The following TG variants were observed in gnomAD, a reference collection of about 807,000 sequenced individuals.
TG encodes thyroid hormones.
Under a neutral mutation model 324.7 loss-of-function variants are expected in TG, and 270 were observed. The observed-to-expected ratio is 0.83, with a 90% CI of 0.75 to 0.92. The LOEUF is 0.92. TG is among the 40% of genes least tolerant of loss of function. The probability of loss-of-function intolerance (pLI) is 0.00; values close to 1 mark genes in which losing one functional copy is unlikely to be tolerated. For missense variants in TG, 3,591 were observed against 3,456.4 expected, an observed-to-expected ratio of 1.04 and a Z score of -0.98; for synonymous variants, 1,401 against 1,327.0, an observed-to-expected ratio of 1.06 and a Z score of -1.21.
At chr8:132,987,349 T>C (rs1302458743) in intron 35 of TG, among the ~76,000 whole-genome samples, 2 of 150,748 alleles carry the variant, frequency 1.3e-5, no homozygotes, top group Non-Finnish European at 3.0e-5. Context: ...CTGACATAGA[T>C]TGTGAGGATG....
chr8:133,099,303 C>G (rs141627569), intron 43 of TG, among the ~76,000 whole-genome samples: 1 of 152,324 alleles, frequency 6.6e-6, no homozygotes, highest in East Asian at 1.9e-4. Flanking sequence ...TTCATTCATT[C>G]CCTTGGGACA....
chr8:132,871,320 T>C, intron 3 of TG, 28 bp from the exon 4 acceptor site: 1 of 1,612,512 alleles, frequency 6.2e-7, no homozygotes. Flanking sequence ...CCTGCAGTTC[T>C]ATCTAACATT....
intron 30 of TG, among the ~76,000 whole-genome samples, chr8:132,967,091 CCCAT>C (rs1828684558): frequency 1.3e-5 from 2 of 148,682 alleles, no homozygotes; most frequent in Non-Finnish European, 3.0e-5. Flanking sequence ...ATCTTTGCAT[CCCAT>C]CCATCCATCC....
At chr8:132,903,179 T>C (rs951896079) in intron 16 of TG, among the ~76,000 whole-genome samples, 4 of 152,194 alleles carry the variant, frequency 2.6e-5, no homozygotes, top group Non-Finnish European at 4.4e-5. Flanking sequence ...AAGATAAATA[T>C]GTCCAAAGGA....
At chr8:132,989,300 G>A (rs1832009365) in intron 35 of TG, among the ~76,000 whole-genome samples, 1 of 152,208 alleles carries the variant, frequency 6.6e-6, no homozygotes, top group South Asian at 2.1e-4. Flanking sequence ...TATTTGGATT[G>A]AAAGCCAGGG....
At chr8:133,002,473 C>T (rs1053092387) in intron 35 of TG, 9 of 926,498 alleles carry the variant, frequency 9.7e-6, no homozygotes, top group Non-Finnish European at 1.2e-5. Flanking sequence ...ATAGCAAATA[C>T]ATTACACAAT....
rs761156549 is a variant in TG, at chr8:132,886,640, G to T, written c.1268G>T (p.Arg423Leu). 1 of 1,614,018 alleles carries T rather than the reference G, an allele frequency of 6.2e-7. No individual in the cohort carries two copies. The highest frequency in any genetic ancestry group is 8.5e-7 in the Non-Finnish European group (1 of 1,180,036). ...CTCTTTGTGGACTCTGGGCTTCTCC[G>T]CCCAATGGTGGAGGGACAGAGCCAA... ...KELFVDSGLLRPMVEGQSQQF... is the reference protein window; with the variant it reads ...KELFVDSGLLLPMVEGQSQQF... The change falls in exon 9 of 48, where the codon CGC becomes CTC. Residue 423 changes from arginine (R) to leucine (L), a missense_variant. By Grantham distance (102) the Arg-to-Leu change is moderately radical. Coordinates refer to ENST00000220616, the MANE Select transcript of TG (RefSeq NM_003235.5).
At chr8:133,103,770 T>C (rs1849545953) in intron 43 of TG, among the ~76,000 whole-genome samples, 2 of 152,308 alleles carry the variant, frequency 1.3e-5, no homozygotes, top group African/African-American at 4.8e-5. Context: ...CATTAACCCA[T>C]GCAGCATCTC....
At chr8:133,081,196 A>G (rs559467492) in intron 41 of TG, among the ~76,000 whole-genome samples, 28 of 152,372 alleles carry the variant, frequency 1.8e-4, no homozygotes, top group African/African-American at 6.5e-4. Context: ...TTTCCTTTCA[A>G]ATTGGAGCCT....
At chr8:133,000,178 C>A (rs967372873) in intron 35 of TG, among the ~76,000 whole-genome samples, 1 of 152,202 alleles carries the variant, frequency 6.6e-6, no homozygotes, top group African/African-American at 2.4e-5. Context: ...CTGTGCCAAG[C>A]AGTTTGCAGC....
intron 35 of TG, among the ~76,000 whole-genome samples, chr8:132,989,158 A>G (rs569089801): frequency 3.9e-5 from 6 of 152,298 alleles, no homozygotes; most frequent in African/African-American, 1.4e-4. Context: ...CACAGGAAAG[A>G]CCTGCCCCCA....
chr8:132,924,265 C>T (rs1563960939), intron 22 of TG, among the ~76,000 whole-genome samples: 1 of 152,138 alleles, frequency 6.6e-6, no homozygotes, highest in Non-Finnish European at 1.5e-5. Context: ...ACTGATCTGA[C>T]AGGAGGCGGA....
intron 27 of TG, 110 bp downstream of exon 27, chr8:132,949,053 T>TAA: frequency 2.3e-6 from 2 of 876,110 alleles, no homozygotes; most frequent in African/African-American, 2.1e-5. Flanking sequence ...CTTATACTTC[T>TAA]GAAAAAAAAA....
intron 22 of TG, among the ~76,000 whole-genome samples, chr8:132,926,652 A>T (rs751042783): frequency 7.2e-5 from 11 of 152,218 alleles, no homozygotes; most frequent in Admixed American, 2.6e-4. Context: ...TCCTGTGGTC[A>T]ATTTTACAAG....
chr8:132,988,666 T>C (rs181450008), intron 35 of TG: 23 of 972,314 alleles, frequency 2.4e-5, no homozygotes, highest in Non-Finnish European at 2.7e-5. Flanking sequence ...ATAGTAAATA[T>C]ATATTTTCTT....
At chr8:133,050,158 A>G in intron 41 of TG, 2 of 633,524 alleles carry the variant, frequency 3.2e-6, no homozygotes, top group Non-Finnish European at 5.7e-6. Context: ...TTTCTTTTTA[A>G]AGGATATGTG....
chr8:132,970,057 G>T (rs1052243939), intron 32 of TG, among the ~76,000 whole-genome samples: 4 of 151,596 alleles, frequency 2.6e-5, no homozygotes, highest in African/African-American at 7.3e-5. Flanking sequence ...TGAACTACTC[G>T]CTGGATGATG....
chr8:133,098,835 C>T (rs1194727463), intron 43 of TG, among the ~76,000 whole-genome samples: 1 of 152,116 alleles, frequency 6.6e-6, no homozygotes, highest in Non-Finnish European at 1.5e-5. Flanking sequence ...TCTGATTATG[C>T]CCGTTCATTG....
rs2130440832 is a variant in TG at position 132,966,684 on chromosome 8, A to G, written c.5673A>G (p.Leu1891=). The change falls in exon 30 of 48, where the codon CTA becomes CTG. Residue 1891 remains leucine (L), a synonymous_variant. Transcript: ENST00000220616. ...KHLFSAQQAN[L]WCLSRCVQEH... is the part of the protein sequence containing the mutation. ...TGTTTTCAGCCCAGCAGGCAAACCT[A>G]TGGTGCCTTTCTCGTAAGTATCCTT... 2 of 1,614,094 alleles carry G rather than the reference A, an allele frequency of 1.2e-6. No homozygotes were observed. Among genetic ancestry groups the G allele is most frequent in the Non-Finnish European group, 1.7e-6 (2 of 1,179,992 alleles).
Sources: gnomAD v4.1 joint callset for allele counts (sites outside exome capture counted in the v4.1 genomes callset) on GRCh38, gnomAD v4.1.1 for gene constraint, MANE v1.5 for transcripts, NCBI Gene and HGNC (gene_info 2026-07-23, HGNC 2026-07-21) for gene names.